Variants in FRMPD4 observed in about 807,000 individuals in gnomAD.
FRMPD4 encodes FERM and PDZ domain containing 4, also known as FERM and PDZ domain-containing protein 4.
In FRMPD4, 22 loss-of-function variants were observed where a neutral mutation model predicts 94.1. The ratio of observed to expected loss-of-function variants is 0.23; its 90% confidence interval spans 0.17 to 0.33. The LOEUF (loss-of-function observed/expected upper bound fraction) is 0.33. Among genes scored for constraint, FRMPD4 ranks in the 10% least tolerant of loss-of-function variants. The probability of loss-of-function intolerance (pLI) is 1.00; values close to 1 mark genes in which losing one functional copy is unlikely to be tolerated. For missense variants in FRMPD4, 1,111 were observed against 1,339.9 expected, an observed-to-expected ratio of 0.83 and a Z score of 2.67; for synonymous variants, 631 against 548.6, an observed-to-expected ratio of 1.15 and a Z score of -2.10.
At chrX:12,427,441 GTGA>G (rs1364412857) in intron 1 of FRMPD4, among the ~76,000 whole-genome samples, 3 of 110,872 alleles carry the variant, frequency 2.7e-5, no homozygotes, top group Non-Finnish European at 5.7e-5. Flanking sequence ...GAGTAGGCAA[GTGA>G]TGATGAAAAC....
chrX:11,842,783 A>G (rs2053545895), intron 1 of FRMPD4, among the ~76,000 whole-genome samples: 1 of 97,572 alleles, frequency 1.0e-5, no homozygotes, highest in African/African-American at 3.9e-5. Context: ...TTCCAACACT[A>G]TGTTGAATAG....
chrX:12,617,943 A>G (rs1344729321), intron 4 of FRMPD4, among the ~76,000 whole-genome samples: 1 of 111,054 alleles, frequency 9.0e-6, no homozygotes, highest in Non-Finnish European at 1.9e-5. Context: ...AGACCAATTT[A>G]CTGCTATACT....
intron 2 of FRMPD4, among the ~76,000 whole-genome samples, chrX:12,609,384 G>A (rs1293348721): frequency 8.9e-6 from 1 of 112,030 alleles, no homozygotes; most frequent in Non-Finnish European, 1.9e-5. Flanking sequence ...GCATAAAGGG[G>A]ATCAGGCATG....
At chrX:11,932,620 C>T (rs181107759) in intron 3 of FRMPD4, among the ~76,000 whole-genome samples, 1 of 109,908 alleles carries the variant, frequency 9.1e-6, no homozygotes, top group Admixed American at 9.7e-5. Flanking sequence ...TATTAAATGC[C>T]CAAAGCAAGT....
intron 3 of FRMPD4, among the ~76,000 whole-genome samples, chrX:11,987,330 G>A (rs142490830): frequency 2.3e-3 from 256 of 110,777 alleles, no homozygotes; most frequent in African/African-American, 7.9e-3. Flanking sequence ...CATATGATTA[G>A]TTCAATTGAT....
intron 1 of FRMPD4, among the ~76,000 whole-genome samples, chrX:11,847,848 C>G (rs1344139766): frequency 1.3e-5 from 1 of 79,417 alleles, no homozygotes; most frequent in African/African-American, 5.3e-5. Flanking sequence ...CACATGGACA[C>G]AGGAAGGGGA....
At chrX:12,506,310 G>A (rs1018384299) in intron 2 of FRMPD4, among the ~76,000 whole-genome samples, 1 of 110,539 alleles carries the variant, frequency 9.0e-6, no homozygotes. Context: ...TTTTTTTTAA[G>A]ACAAAGTCTC....
chrX:11,985,480 T>C (rs2054424223), intron 3 of FRMPD4, among the ~76,000 whole-genome samples: 1 of 111,877 alleles, frequency 8.9e-6, no homozygotes, highest in African/African-American at 3.3e-5. Flanking sequence ...TTCCAAGCTG[T>C]GGTGGCTATG....
chrX:12,674,950 G>C (rs1415527468), intron 5 of FRMPD4, 42 bp downstream of exon 5: 9 of 881,416 alleles, frequency 1.0e-5, no homozygotes, highest in Non-Finnish European at 1.3e-5. Context: ...ATGTTCTCAG[G>C]CTTCTTGTTT....
chrX:12,132,175 G>A (rs1393838812), intron 3 of FRMPD4, among the ~76,000 whole-genome samples: 2 of 110,491 alleles, frequency 1.8e-5, no homozygotes, highest in Non-Finnish European at 1.9e-5. Flanking sequence ...TATAAATAAT[G>A]TGGATCTATT....
chrX:12,016,559 C>T (rs2054605684), intron 3 of FRMPD4, among the ~76,000 whole-genome samples: 1 of 111,534 alleles, frequency 9.0e-6, no homozygotes, highest in Non-Finnish European at 1.9e-5. Flanking sequence ...CTTATTTGAC[C>T]TTGAGAGTTA....
At chrX:12,350,608 C>T (rs930046110) in intron 1 of FRMPD4, among the ~76,000 whole-genome samples, 1 of 111,911 alleles carries the variant, frequency 8.9e-6, no homozygotes, top group East Asian at 2.8e-4. Flanking sequence ...TAAAACTACC[C>T]GGATATGAAC....
At chrX:12,542,425 G>A (rs1025709356) in intron 2 of FRMPD4, among the ~76,000 whole-genome samples, 1 of 112,144 alleles carries the variant, frequency 8.9e-6, no homozygotes, top group Non-Finnish European at 1.9e-5. Context: ...AAAATCACAA[G>A]CATTCTTATA....
intron 3 of FRMPD4, among the ~76,000 whole-genome samples, chrX:11,991,364 A>C: frequency 8.9e-6 from 1 of 111,971 alleles, no homozygotes; most frequent in Middle Eastern, 4.7e-3. Flanking sequence ...AGTCCATGGA[A>C]GTAATGATTC....
intron 3 of FRMPD4, among the ~76,000 whole-genome samples, chrX:12,047,052 T>C (rs1482906634): frequency 9.1e-6 from 1 of 110,084 alleles, no homozygotes; most frequent in Non-Finnish European, 1.9e-5. Flanking sequence ...TAACCATATA[T>C]ATGGTTATGT....
chrX:12,355,595 G>A (rs960418506), intron 1 of FRMPD4, among the ~76,000 whole-genome samples: 1 of 112,239 alleles, frequency 8.9e-6, no homozygotes, highest in Middle Eastern at 4.6e-3. Context: ...AGGTGCCTGA[G>A]GAAAGTGGGA....
intron 1 of FRMPD4, among the ~76,000 whole-genome samples, chrX:12,473,960 C>T (rs9699004): frequency 0.021 from 2,316 of 109,521 alleles, 195 homozygotes; most frequent in African/African-American, 0.075. Context: ...CTGCACCAAG[C>T]GGACCTAATA....
chrX:12,562,834 A>T (rs1179005378), intron 2 of FRMPD4, among the ~76,000 whole-genome samples: 1 of 112,097 alleles, frequency 8.9e-6, no homozygotes, highest in East Asian at 2.8e-4. Flanking sequence ...AATAATAGAG[A>T]GGGCATTGTC....
intron 3 of FRMPD4, among the ~76,000 whole-genome samples, chrX:12,056,592 C>A (rs1378300250): frequency 3.6e-5 from 4 of 111,465 alleles, no homozygotes; most frequent in African/African-American, 1.3e-4. Context: ...GACAGGAGGG[C>A]AGGAGAAGGT....
Sources: gnomAD v4.1 joint callset for allele counts (sites outside exome capture counted in the v4.1 genomes callset) on GRCh38, gnomAD v4.1.1 for gene constraint, MANE v1.5 for transcripts, NCBI Gene and HGNC (gene_info 2026-07-23, HGNC 2026-07-21) for gene names.